Variants in ZFHX3 observed in about 807,000 individuals in gnomAD.
ZFHX3 encodes the protein zinc finger homeobox 3, also known as zinc finger homeobox protein 3.
In ZFHX3, 42 loss-of-function variants were observed where a neutral mutation model predicts 279.1. The ratio of observed to expected loss-of-function variants is 0.15; its 90% CI spans 0.12 to 0.19. The LOEUF (loss-of-function observed/expected upper bound fraction) is 0.19. ZFHX3 is among the 10% of genes least tolerant of loss of function. The probability of loss-of-function intolerance (pLI) is 1.00; values close to 1 mark genes in which losing one functional copy is unlikely to be tolerated. For missense variants in ZFHX3, 4,981 were observed against 4,754.0 expected (o/e 1.05, Z -1.40); for synonymous variants, 2,293 against 1,957.8 (o/e 1.17, Z -4.52).
intron 3 of ZFHX3, among the ~76,000 whole-genome samples, chr16:73,367,285 A>G (rs1019359442): frequency 2.6e-5 from 4 of 152,220 alleles, no homozygotes; most frequent in Non-Finnish European, 5.9e-5. Flanking sequence ...CCATGAGGCT[A>G]TTGAACCAAG....
intron 1 of ZFHX3, among the ~76,000 whole-genome samples, chr16:73,761,104 G>A (rs926097581): frequency 1.3e-5 from 2 of 151,946 alleles, no homozygotes; most frequent in African/African-American, 4.8e-5. Flanking sequence ...CAGCCCAAAA[G>A]CTTCTTAAGC....
At chr16:73,725,231 T>C (rs373593651) in intron 1 of ZFHX3, among the ~76,000 whole-genome samples, 3 of 152,340 alleles carry the variant, frequency 2.0e-5, no homozygotes. Context: ...AAAAGGCTTT[T>C]ATATATAAAA....
Position 73,000,253 on chromosome 16 carries a change from C to T in ZFHX3, c.-49-40059G>A, listed in dbSNP as rs896733515. 3.9e-5 allele frequency among the ~76,000 whole-genome samples: 6 copies of T among 152,134 alleles called. No homozygotes were observed. In the South Asian group the frequency reaches 6.2e-4, roughly 16 times the overall value. On this transcript the variant is annotated intron_variant, in intron 1 of 9. Transcript: ENST00000268489. ...GGGCACTGGAGAGAGGAGGGAGGGA[C>T]GAAGGGCACGCGGTGAAAGGAAGGA...
intron 3 of ZFHX3, among the ~76,000 whole-genome samples, chr16:72,905,029 G>A (rs1423994070): frequency 2.6e-5 from 4 of 152,006 alleles, no homozygotes; most frequent in East Asian, 1.9e-4. Context: ...TGGTAGAGAC[G>A]GGGTTTCATC....
intron 1 of ZFHX3, among the ~76,000 whole-genome samples, chr16:73,028,563 C>A (rs1964590882): frequency 1.3e-5 from 2 of 152,160 alleles, no homozygotes; most frequent in African/African-American, 4.8e-5. Flanking sequence ...GTGGGGAGAG[C>A]CCCAAAGCAC....
At position 73,090,911 on chromosome 16, in the gene ZFHX3, G is replaced by GAAAAAAAAAAAAA. The variant is rs57632636; in HGVS notation, c.-533+2311_-533+2323dup. ...GGGAGACAGAGTAAGATCCCATATT[G>GAAAAAAAAAAAAA]AAAAAAAAAAAAAAAAAAGGCAAGG... On this transcript the variant is annotated intron_variant, in intron 8 of 17. Coordinates refer to the ZFHX3 transcript ENST00000641206. Among the ~76,000 whole-genome samples the GAAAAAAAAAAAAA allele has an allele frequency of 8.3e-5, 9 of 108,318 alleles. 1 individual carries two copies. Among genetic ancestry groups the GAAAAAAAAAAAAA allele is most frequent in the African/African-American group, 4.2e-4 (8 of 19,182 alleles). 71.1% of individuals were successfully genotyped at this position (108,318 alleles called of 152,430 possible).
chr16:72,795,218 G>C lies in ZFHX3; in HGVS notation c.7464C>G (p.Pro2488=). The C allele has an allele frequency of 6.2e-7, 1 of 1,608,088 alleles. No individual in the cohort carries two copies. Among genetic ancestry groups the C allele is most frequent in the Non-Finnish European group, 8.5e-7 (1 of 1,176,840 alleles). Reference sequence around the variant, plus strand: ...ACTGGGGTAAGGGGCACTGTGGAGGGGGCGCTTGTGGAGGAGGCTGTGGCA... The same window carrying C: ...ACTGGGGTAAGGGGCACTGTGGAGGCGGCGCTTGTGGAGGAGGCTGTGGCA... The part of the protein sequence containing the change: ...PSLPQPPPQA[P]PPQCPLPQSS... Residue 2488 remains proline, a synonymous_variant, in exon 9 of 10, where the codon CCC becomes CCG. Coordinates refer to ENST00000268489, the MANE Select transcript of ZFHX3 (RefSeq NM_006885.4).
At chr16:72,937,662 C>T (rs894759104) in intron 3 of ZFHX3, among the ~76,000 whole-genome samples, 4 of 152,234 alleles carry the variant, frequency 2.6e-5, no homozygotes, top group Non-Finnish European at 5.9e-5. Flanking sequence ...ATGCTACACC[C>T]CGCAGCTGCT....
intron 3 of ZFHX3, among the ~76,000 whole-genome samples, chr16:72,902,980 G>C (rs117828729): frequency 0.011 from 1,632 of 152,280 alleles, 10 homozygotes; most frequent in Non-Finnish European, 0.015. Flanking sequence ...ATTCCTTCCA[G>C]ATGAGGATGT....
chr16:72,823,114 C>T (rs1458031594), intron 5 of ZFHX3, among the ~76,000 whole-genome samples: 1 of 152,110 alleles, frequency 6.6e-6, no homozygotes, highest in East Asian at 1.9e-4. Flanking sequence ...GAGAAGGGGG[C>T]ACAAGCTGAC....
chr16:73,228,473 G>A (rs189557774), intron 5 of ZFHX3, among the ~76,000 whole-genome samples: 1 of 152,262 alleles, frequency 6.6e-6, no homozygotes, highest in Admixed American at 6.5e-5. Context: ...GACCAGCCTA[G>A]GCAACATGGT....
chr16:73,080,945 C>A (rs1410513922), intron 8 of ZFHX3, among the ~76,000 whole-genome samples: 1 of 152,172 alleles, frequency 6.6e-6, no homozygotes, highest in Non-Finnish European at 1.5e-5. Flanking sequence ...TCTAATACTT[C>A]TTACCAAGCC....
chr16:73,824,558 G>A (rs1400427382), intron 1 of ZFHX3, among the ~76,000 whole-genome samples: 4 of 96,806 alleles, frequency 4.1e-5, no homozygotes, highest in Admixed American at 1.1e-4. Context: ...CCCCTCCCCC[G>A]ACCCCACCAC....
chr16:73,031,560 G>C (rs1225383140), intron 1 of ZFHX3, among the ~76,000 whole-genome samples: 1 of 152,134 alleles, frequency 6.6e-6, no homozygotes, highest in Non-Finnish European at 1.5e-5. Flanking sequence ...TTTGCATTTC[G>C]TGGAGACATC....
intron 2 of ZFHX3, among the ~76,000 whole-genome samples, chr16:73,611,715 T>C (rs1018438230): frequency 2.0e-5 from 3 of 152,240 alleles, no homozygotes; most frequent in Non-Finnish European, 4.4e-5. Flanking sequence ...GCTGCCATTC[T>C]AATATTGTAT....
At chr16:72,876,947 AG>A (rs1307539608) in intron 4 of ZFHX3, among the ~76,000 whole-genome samples, 1 of 152,164 alleles carries the variant, frequency 6.6e-6, no homozygotes, top group Non-Finnish European at 1.5e-5. Flanking sequence ...CGGGGGAGAA[AG>A]GGGGGTGATT....
At chr16:73,063,024 C>T (rs1965705318), upstream of ZFHX3, among the ~76,000 whole-genome samples, 1 of 152,248 alleles carries the variant, frequency 6.6e-6, no homozygotes, top group Non-Finnish European at 1.5e-5. Flanking sequence ...TCGGGCTCCT[C>T]GGCAGCGCTC....
intron 5 of ZFHX3, among the ~76,000 whole-genome samples, chr16:73,153,830 A>G (rs1967009361): frequency 6.6e-6 from 1 of 151,848 alleles, no homozygotes; most frequent in African/African-American, 2.4e-5. Context: ...TTGTATTTTT[A>G]GTAGAGTCGG....
At chr16:73,479,363 C>T (rs1212117104) in intron 2 of ZFHX3, among the ~76,000 whole-genome samples, 1 of 152,156 alleles carries the variant, frequency 6.6e-6, no homozygotes, top group African/African-American at 2.4e-5. Context: ...GTCCTTGCAC[C>T]CCAAACCCCT....
Sources: allele counts gnomAD v4.1 joint callset (sites outside exome capture counted in the v4.1 genomes callset), GRCh38; gene constraint gnomAD v4.1.1; transcripts MANE v1.5; gene names NCBI Gene and HGNC (gene_info 2026-07-23, HGNC 2026-07-21).